SDHD: variants seen among roughly 807,000 people sequenced by gnomAD.
SDHD encodes succinate dehydrogenase [ubiquinone] cytochrome b small subunit, mitochondrial.
Under a neutral mutation model 18.7 loss-of-function variants are expected in SDHD, and 6 were observed. That is an observed-to-expected ratio of 0.32 (90% CI 0.18 to 0.63). The LOEUF (loss-of-function observed/expected upper bound fraction) is 0.63, where lower values mean the gene tolerates loss of function less well. SDHD is among the 30% of genes least tolerant of loss of function. SDHD has a pLI of 0.79. For missense variants in SDHD, 160 were observed against 192.7 expected (o/e 0.83, Z 1.00); for synonymous variants, 56 against 73.9 (o/e 0.76, Z 1.24).
At chr11:112,091,199 CA>C in intron 3 of SDHD, 1 of 512,274 alleles carries the variant, frequency 2.0e-6, no homozygotes, top group Non-Finnish European at 2.5e-6. Flanking sequence ...TCCACTTCCT[CA>C]ACACTGAGTC....
At chr11:112,093,871 T>A (rs1211210366) in intron 3 of SDHD, among the ~76,000 whole-genome samples, 1 of 152,192 alleles carries the variant, frequency 6.6e-6, no homozygotes, top group Non-Finnish European at 1.5e-5. Flanking sequence ...ATATATTTAC[T>A]TTTTCCTTCT....
In SDHD at chr11:112,095,706, A is replaced by G. The variant is rs1461370435; in HGVS notation, c.*736A>G. ...AAGTAATAAATTGTTATTTTCGCAC[A>G]ATGGGAATCTCTAATGTGAAAATGT... is the stretch of plus-strand genomic sequence containing the variant. On this transcript the variant is annotated 3_prime_UTR_variant, in exon 4 of 4. Transcript: ENST00000375549. 1 of 219,148 alleles carries G rather than the reference A, an allele frequency of 4.6e-6. No homozygotes were observed. The highest frequency in any genetic ancestry group is 7.0e-5 in the East Asian group (1 of 14,332). The allele number at this position is 219,148 out of a possible 1,614,324, so 13.6% of individuals were successfully genotyped here.
At chr11:112,090,765 G>C (rs2135272224) in intron 3 of SDHD, among the ~76,000 whole-genome samples, 1 of 151,378 alleles carries the variant, frequency 6.6e-6, no homozygotes, top group African/African-American at 2.4e-5. Context: ...GTGTGATCTT[G>C]GTTCACTGCA....
intron 3 of SDHD, among the ~76,000 whole-genome samples, chr11:112,093,569 G>A (rs955054483): frequency 6.6e-6 from 1 of 152,094 alleles, no homozygotes; most frequent in Non-Finnish European, 1.5e-5. Context: ...TTTTTCTGGC[G>A]TTTGACTTAC....
intron 3 of SDHD, chr11:112,091,190 CCA>C: frequency 1.6e-6 from 1 of 616,972 alleles, no homozygotes; most frequent in Non-Finnish European, 2.0e-6. Context: ...ATAATGTGCT[CCA>C]CTTCCTCAAC....
chr11:112,093,906 G>A (rs1865792772), intron 3 of SDHD, among the ~76,000 whole-genome samples: 1 of 152,072 alleles, frequency 6.6e-6, no homozygotes, highest in Non-Finnish European at 1.5e-5. Flanking sequence ...TTCCATAAGG[G>A]TAGGGATGCT....
intron 1 of SDHD, among the ~76,000 whole-genome samples, chr11:112,087,335 G>A (rs1865632198): frequency 6.6e-6 from 1 of 152,214 alleles, no homozygotes; most frequent in African/African-American, 2.4e-5. Context: ...GTGTTTGGAT[G>A]TGGGAGTGGA....
chr11:112,092,089 G>A (rs185157966), intron 3 of SDHD, among the ~76,000 whole-genome samples: 8 of 151,968 alleles, frequency 5.3e-5, no homozygotes, highest in East Asian at 1.9e-4. Flanking sequence ...ACTCTGAATC[G>A]GTCGAGGGGA....
chr11:112,087,350 G>A (rs561864023), intron 1 of SDHD, among the ~76,000 whole-genome samples: 7 of 152,072 alleles, frequency 4.6e-5, no homozygotes, highest in Non-Finnish European at 8.8e-5. Flanking sequence ...AGTGGAGGGG[G>A]GATCAGTTCG....
chr11:112,091,374 A>T (rs1865743403), intron 3 of SDHD, among the ~76,000 whole-genome samples: 2 of 152,148 alleles, frequency 1.3e-5, no homozygotes, highest in South Asian at 4.1e-4. Flanking sequence ...AATTCTCCCC[A>T]TAAGTCACTT....
chr11:112,088,614 G>C (rs1198405615), intron 2 of SDHD: 1 of 548,096 alleles, frequency 1.8e-6, no homozygotes, highest in East Asian at 3.3e-5. Flanking sequence ...CCATCTTCTT[G>C]GATCTGTCTT....
In SDHD at chr11:112,094,927, A is replaced by T; in HGVS notation, c.437A>T (p.Asp146Val). The change falls in exon 4 of 4, where the codon GAT becomes GTT. Residue 146 changes from aspartate to valine, a missense_variant. Coordinates refer to ENST00000375549, the MANE Select transcript of SDHD (RefSeq NM_003002.4). ...GGGCTTTGCTATTTCAACTATCACG[A>T]TGTGGGCATCTGCAAAGCTGTTGCC... The part of the protein sequence containing the change: ...FAGLCYFNYH[D>V]VGICKAVAML... The T allele has an allele frequency of 6.2e-7, 1 of 1,611,492 alleles. No individual in the cohort carries two copies. Among genetic ancestry groups the T allele is most frequent in the Admixed American group, 1.7e-5 (1 of 60,008 alleles).
chr11:112,087,078 C>T (rs1865625075), intron 1 of SDHD, 119 bp downstream of exon 1: 4 of 1,105,544 alleles, frequency 3.6e-6, no homozygotes, highest in Non-Finnish European at 5.4e-6. Flanking sequence ...ACCGAAATCA[C>T]AGCAATGACC....
At chr11:112,089,336 G>C (rs551346691) in intron 3 of SDHD, among the ~76,000 whole-genome samples, 271 of 152,168 alleles carry the variant, frequency 1.8e-3, no homozygotes, top group African/African-American at 6.3e-3. Flanking sequence ...TCTAAACCTG[G>C]TAAGCTCCAA....
rs765826714 is a variant in SDHD, at chr11:112,086,970, T to C, written c.52+11T>C. 1 of 1,614,110 alleles carries C rather than the reference T, an allele frequency of 6.2e-7. No individual in the cohort carries two copies. Among genetic ancestry groups the C allele is most frequent in the Non-Finnish European group, 8.5e-7 (1 of 1,179,980 alleles). ...CCCTAGGAGGCCGAGGTGAGGGGTC[T>C]TCCCACCCTGAGGTGCTTAGCGTAG... On this transcript the variant is annotated intron_variant, in intron 1 of 3. Transcript: ENST00000375549.
At chr11:112,091,270 C>A in intron 3 of SDHD, 1 of 193,190 alleles carries the variant, frequency 5.2e-6, no homozygotes, top group Non-Finnish European at 9.5e-6. Flanking sequence ...TTATTCTTAC[C>A]AAGGGCACTG....
intron 3 of SDHD, among the ~76,000 whole-genome samples, chr11:112,094,037 T>C (rs530937): frequency 0.95 from 144,719 of 152,158 alleles, 69,268 homozygotes; most frequent in East Asian, 1. Context: ...GTTATTGGGG[T>C]GAAAGGATCA....
intron 3 of SDHD, among the ~76,000 whole-genome samples, chr11:112,092,079 A>T (rs1181143367): frequency 1.3e-5 from 2 of 151,962 alleles, no homozygotes; most frequent in African/African-American, 2.4e-5. Flanking sequence ...AAAAAACAAA[A>T]CTCTGAATCG....
At chr11:112,093,089 C>T (rs1238585295) in intron 3 of SDHD, 2 of 287,652 alleles carry the variant, frequency 7.0e-6, no homozygotes, top group Admixed American at 4.5e-5. Flanking sequence ...GGCTGGAGTG[C>T]AATGGTGCGA....
Sources: gnomAD v4.1 joint callset for allele counts (sites outside exome capture counted in the v4.1 genomes callset) on GRCh38, gnomAD v4.1.1 for gene constraint, MANE v1.5 for transcripts, NCBI Gene and HGNC (gene_info 2026-07-23, HGNC 2026-07-21) for gene names.